The following CLN6 variants were observed in gnomAD, a reference collection of about 807,000 sequenced individuals.
CLN6 encodes CLN6 transmembrane ER protein, also known as ceroid-lipofuscinosis neuronal protein 6.
A neutral mutation model predicts 33.3 loss-of-function variants in CLN6; 22 were observed. The observed-to-expected ratio is 0.66, with a 90% CI of 0.47 to 0.94. CLN6 has a LOEUF of 0.94. CLN6 is among the 40% of genes least tolerant of loss of function. CLN6 has a pLI of 0.00. For synonymous variants in CLN6, 201 were observed against 174.6 expected, an observed-to-expected ratio of 1.15 and a Z score of -1.19; for missense variants, 387 against 417.1, an observed-to-expected ratio of 0.93 and a Z score of 0.63.
upstream of CLN6, among the ~76,000 whole-genome samples, chr15:68,234,634 G>C (rs766875607): frequency 5.3e-5 from 8 of 152,174 alleles, no homozygotes; most frequent in Non-Finnish European, 1.2e-4. The surrounding 1 kb of genome is among the most constrained non-coding windows in gnomAD (Gnocchi z 4.1). Flanking sequence ...CCCGTCTGCT[G>C]CTGAGAGCTA....
rs574053024 is a variant in CLN6, at chr15:68,221,491, C to T, written c.84-2841G>A. Among the ~76,000 whole-genome samples, 39 of 152,132 alleles carry T rather than the reference C, an allele frequency of 2.6e-4. No individual in the cohort carries two copies. The South Asian group carries it at 5.4e-3, about 21-fold the overall frequency. On this transcript the variant is annotated intron_variant, in intron 1 of 6. Coordinates refer to ENST00000249806, the MANE Select transcript of CLN6 (RefSeq NM_017882.3). ...GAGTGATCTGCCCGCCTCGGCCTCC[C>T]GAGGTGCTGGGATTGCAGACGGAGT... is the stretch of plus-strand genomic sequence containing the variant.
chr15:68,249,143 G>A (rs561320895), intron 1 of CLN6, among the ~76,000 whole-genome samples: 4 of 152,280 alleles, frequency 2.6e-5, no homozygotes, highest in African/African-American at 9.6e-5. Flanking sequence ...AGCCTAGTTC[G>A]AATGACTTTT....
intron 3 of CLN6, chr15:68,213,816 G>A (rs1229752824): frequency 1.1e-5 from 2 of 181,190 alleles, no homozygotes; most frequent in South Asian, 1.2e-4. Context: ...AGCAGTTCCT[G>A]CTAGTGCTCC....
rs186516777 is a variant in CLN6 at position 68,227,638 on chromosome 15, T to C, written c.83+1864A>G. ...TCACACAGGGGAAGAGGGACATGAC[T>C]CCTTAGCAGCCAAAGTGGAGTCGTA... On this transcript the variant is annotated intron_variant, in intron 1 of 6. Coordinates refer to ENST00000249806, the MANE Select transcript of CLN6 (RefSeq NM_017882.3). This position sits in a 1 kb window ranked among gnomAD's most constrained non-coding sequence, Gnocchi z 4.1. 6.6e-6 allele frequency among the ~76,000 whole-genome samples: 1 copy of C among 152,250 alleles called. No homozygotes were observed. The highest frequency in any genetic ancestry group is 1.9e-4 in the East Asian group (1 of 5,174).
At chr15:68,253,874 T>TC (rs1249945966) in intron 1 of CLN6, among the ~76,000 whole-genome samples, 1 of 151,332 alleles carries the variant, frequency 6.6e-6, no homozygotes, top group East Asian at 1.9e-4. Flanking sequence ...AACTACATTT[T>TC]TTTTTTTTTT....
At chr15:68,229,330 G>A (rs1192968028) in intron 1 of CLN6, among the ~76,000 whole-genome samples, 172 bp downstream of exon 1, 1 of 152,176 alleles carries the variant, frequency 6.6e-6, no homozygotes, top group Admixed American at 6.5e-5. Context: ...AAGGAAACGC[G>A]GGGGCACCGC....
intron 1 of CLN6, among the ~76,000 whole-genome samples, chr15:68,222,901 C>T (rs2093241926): frequency 6.6e-6 from 1 of 152,106 alleles, no homozygotes; most frequent in South Asian, 2.1e-4. Context: ...GCAAGATGTG[C>T]TTTGTTAAAC....
At chr15:68,232,992 G>A (rs865957443), upstream of CLN6, among the ~76,000 whole-genome samples, 8 of 152,158 alleles carry the variant, frequency 5.3e-5, no homozygotes, top group African/African-American at 4.8e-5. This position sits in a 1 kb window ranked among gnomAD's most constrained non-coding sequence, Gnocchi z 4.7. Flanking sequence ...GCAGTGAGCC[G>A]AGATCACGCC....
chr15:68,234,380 G>A (rs928384955), upstream of CLN6, among the ~76,000 whole-genome samples: 6 of 152,196 alleles, frequency 3.9e-5, no homozygotes, highest in African/African-American at 1.4e-4. The surrounding 1 kb of genome is among the most constrained non-coding windows in gnomAD (Gnocchi z 4.1). Context: ...CCCACCCTGA[G>A]CCAGGCAGTG....
rs557496931 is a variant in CLN6 at position 68,256,005 on chromosome 15, T to C, written c.179+685A>G. On this transcript the variant is annotated intron_variant, in intron 1 of 6. Coordinates refer to the CLN6 transcript ENST00000538696. This position sits in a 1 kb window ranked among gnomAD's most constrained non-coding sequence, Gnocchi z 4.1. ...GGTCCCACTATGTTGCCCTGTCTGTTGTCCAACTCCTCGCCCGAAGTGATC... is the reference window on the plus strand; with the variant it reads ...GGTCCCACTATGTTGCCCTGTCTGTCGTCCAACTCCTCGCCCGAAGTGATC... Among the ~76,000 whole-genome samples the C allele has an allele frequency of 1.8e-4, 27 of 151,968 alleles. No homozygotes were observed. Among genetic ancestry groups the C allele is most frequent in the Admixed American group, 5.9e-4 (9 of 15,266 alleles).
upstream of CLN6, among the ~76,000 whole-genome samples, chr15:68,232,161 T>TA (rs72032101): frequency 1.3e-3 from 5 of 3,794 alleles, no homozygotes; most frequent in South Asian, 0.12. This position sits in a 1 kb window ranked among gnomAD's most constrained non-coding sequence, Gnocchi z 4.7. Context: ...GTATCCGATA[T>TA]TTTTTTTTTT....
chr15:68,235,329 T>C (rs879611898), intron 1 of CLN6, among the ~76,000 whole-genome samples: 1 of 152,116 alleles, frequency 6.6e-6, no homozygotes, highest in Non-Finnish European at 1.5e-5. Flanking sequence ...GGAGAGGCCA[T>C]GGAGGCTGGA....
At chr15:68,235,382 G>A (rs1892209392) in intron 1 of CLN6, among the ~76,000 whole-genome samples, 1 of 152,038 alleles carries the variant, frequency 6.6e-6, no homozygotes, top group South Asian at 2.1e-4. Context: ...AGTAATATCT[G>A]CTTTGAAATT....
upstream of CLN6, among the ~76,000 whole-genome samples, chr15:68,232,417 A>T (rs2093269748): frequency 6.6e-6 from 1 of 152,124 alleles, no homozygotes. This position sits in a 1 kb window ranked among gnomAD's most constrained non-coding sequence, Gnocchi z 4.7. Context: ...TTAGTCTCTC[A>T]AAGTGCTGGG....
At position 68,208,083 on chromosome 15, in the gene CLN6, T is replaced by TGCCCTCCATGGCCC. The variant is rs2093192861; in HGVS notation, c.*43_*56dup. The TGCCCTCCATGGCCC allele has an allele frequency of 2.6e-6, 4 of 1,541,754 alleles. No homozygotes were observed. Among genetic ancestry groups the TGCCCTCCATGGCCC allele is most frequent in the Non-Finnish European group, 3.5e-6 (4 of 1,139,894 alleles). ...CACCCCCCCTACTCCTGTATTCAGA[T>TGCCCTCCATGGCCC]GCCCTCCATGGCCCACCCTCCCACC... On this transcript the variant is annotated 3_prime_UTR_variant, in exon 7 of 7. Coordinates refer to ENST00000249806, the MANE Select transcript of CLN6 (RefSeq NM_017882.3). The surrounding 1 kb of genome is among the most constrained non-coding windows in gnomAD (Gnocchi z 5.8).
In CLN6 at chr15:68,229,497, C is replaced by A; in HGVS notation, c.83+5G>T. 1 of 1,463,560 alleles carries A rather than the reference C, an allele frequency of 6.8e-7. No individual in the cohort carries two copies. The highest frequency in any genetic ancestry group is 1.5e-5 in the African/African-American group (1 of 67,880). The allele number at this position is 1,463,560 out of a possible 1,614,324, so 90.7% of individuals were successfully genotyped here. ...GCCCGCCCTCTCACCCCGGCGCGCG[C>A]CCACCTGGCCTGCAGGAAGGAGGCG... On this transcript the variant is annotated splice_donor_5th_base_variant and intron_variant, in intron 1 of 6. Coordinates refer to ENST00000249806, the MANE Select transcript of CLN6 (RefSeq NM_017882.3).
At chr15:68,235,995 T>G (rs993020540) in intron 1 of CLN6, among the ~76,000 whole-genome samples, 1 of 152,236 alleles carries the variant, frequency 6.6e-6, no homozygotes, top group Non-Finnish European at 1.5e-5. Context: ...CTAAGCTTTT[T>G]GGTTATTGAA....
intron 1 of CLN6, among the ~76,000 whole-genome samples, chr15:68,240,490 A>G (rs1317916053): frequency 6.6e-6 from 1 of 151,990 alleles, no homozygotes; most frequent in Admixed American, 6.6e-5. Context: ...AATCCCAGCT[A>G]TTTGGGAAGC....
intron 1 of CLN6, among the ~76,000 whole-genome samples, chr15:68,249,227 T>C (rs1213211818): frequency 6.6e-6 from 1 of 152,226 alleles, no homozygotes; most frequent in Non-Finnish European, 1.5e-5. Context: ...TTGGTGGGAA[T>C]GTAAATTACC....
Sources: gnomAD v4.1 joint callset for allele counts (sites outside exome capture counted in the v4.1 genomes callset) on GRCh38, gnomAD v4.1.1 for gene constraint, Gnocchi (gnomAD v3.1) non-coding constraint, MANE v1.5 for transcripts, NCBI Gene and HGNC (gene_info 2026-07-23, HGNC 2026-07-21) for gene names.